Variants in GAPVD1 observed in about 807,000 individuals in gnomAD.
GAPVD1 encodes the protein GTPase-activating protein and VPS9 domain-containing protein 1.
Under a neutral mutation model 155.5 loss-of-function variants are expected in GAPVD1, and 35 were observed. The observed-to-expected ratio is 0.23, with a 90% CI of 0.17 to 0.30. The LOEUF is 0.30. Ranked by LOEUF, GAPVD1 falls within the 10% of genes least tolerant of loss-of-function variation. The pLI is 1.00. For missense variants in GAPVD1, 1,429 were observed against 1,775.7 expected, an observed-to-expected ratio of 0.80 and a Z score of 3.51; for synonymous variants, 636 against 619.7, an observed-to-expected ratio of 1.03 and a Z score of -0.39.
chr9:125,342,275 C>A lies in GAPVD1; in HGVS notation c.3022C>A (p.Pro1008Thr), dbSNP rs754808230. 1 of 1,594,928 alleles carries A rather than the reference C, an allele frequency of 6.3e-7. No homozygotes were observed. Among genetic ancestry groups the A allele is most frequent in the South Asian group, 1.1e-5 (1 of 90,666 alleles). The change falls in exon 19 of 28, where the codon CCT becomes ACT. Residue 1008 changes from proline (P) to threonine (T), a missense_variant. Physicochemically the swap from Pro to Thr is conservative, Grantham distance 38 (BLOSUM62 -1). Coordinates refer to ENST00000297933, the MANE Select transcript of GAPVD1 (RefSeq NM_001282680.3). ...AGAAAAAGACAAAGATGATCTGGGG[C>A]CTGACAGATTCTCAACACTCACAGG... ...KQEKDKDDLG[P>T]DRFSTLTDDP...
chr9:125,269,887 T>A (rs912817705), intron 2 of GAPVD1, among the ~76,000 whole-genome samples: 3 of 151,588 alleles, frequency 2.0e-5, no homozygotes, highest in Non-Finnish European at 2.9e-5. Context: ...CCAGCTAATT[T>A]TTTTTATTTT....
At chr9:125,330,493 T>A (rs1845921037) in intron 13 of GAPVD1, among the ~76,000 whole-genome samples, 1 of 151,912 alleles carries the variant, frequency 6.6e-6, no homozygotes, top group African/African-American at 2.4e-5. Context: ...AATTTTTGTA[T>A]TTTTAGAGAA....
rs758130996 is a variant in GAPVD1 at position 125,312,597 on chromosome 9, G to C, written c.1587G>C (p.Met529Ile). The change falls in exon 9 of 28, where the codon ATG becomes ATC. Residue 529 changes from methionine to isoleucine, a missense_variant. By Grantham distance (10) the Met-to-Ile change is conservative. Coordinates refer to ENST00000297933, the MANE Select transcript of GAPVD1 (RefSeq NM_001282680.3). ...LGTGPQLTPG[M>I]MSENEVLNMQ... ...CAGGTCCCCAGCTTACTCCAGGGAT[G>C]ATGTCAGAAAATGAGGTATGAATCA... 6 of 1,585,440 alleles carry C rather than the reference G, an allele frequency of 3.8e-6. 1 individual carries two copies. In the South Asian group the frequency reaches 5.9e-5, roughly 16 times the overall value.
rs774534747 is a variant in GAPVD1 at position 125,307,831 on chromosome 9, G to C, written c.1392G>C (p.Gln464His). 4.3e-6 allele frequency: 7 copies of C among 1,613,444 alleles called. No homozygotes were observed. The highest frequency in any genetic ancestry group is 5.9e-6 in the Non-Finnish European group (7 of 1,179,434). Residue 464 changes from glutamine to histidine, a missense_variant, in exon 8 of 28, where the codon CAG becomes CAC. Around this residue, in one of 4 missense-constraint regions of GAPVD1, gnomAD observed 628 missense variants for 733.4 expected, o/e 0.86. Coordinates refer to ENST00000297933, the MANE Select transcript of GAPVD1 (RefSeq NM_001282680.3). ...AAATGACTCCCTACAATACACCTCAGCTATCTCCAGCAACCACTCCAGCAA... is the reference window on the plus strand; with the variant it reads ...AAATGACTCCCTACAATACACCTCACCTATCTCCAGCAACCACTCCAGCAA... ...SLEMTPYNTP[Q>H]LSPATTPANK...
At chr9:125,309,523 C>T (rs1447078329) in intron 8 of GAPVD1, among the ~76,000 whole-genome samples, 1 of 152,018 alleles carries the variant, frequency 6.6e-6, no homozygotes. Flanking sequence ...TTGGTAGAGA[C>T]AGGGTTTTGC....
At position 125,295,451 on chromosome 9, in the gene GAPVD1, G is replaced by C. The variant is rs539080958; in HGVS notation, c.-149-7G>C. 2 of 61,878 alleles carry C rather than the reference G, an allele frequency of 3.2e-5. No homozygotes were observed. The highest frequency in any genetic ancestry group is 4.3e-4 in the East Asian group (1 of 2,318). The allele number at this position is 61,878 out of a possible 1,614,324, so 3.8% of individuals were successfully genotyped here. On this transcript the variant is annotated splice_region_variant and splice_polypyrimidine_tract_variant and intron_variant, in intron 2 of 27. Transcript: ENST00000297933. Reference sequence around the variant, plus strand: ...AATCTTTTTTTTTTTTTTTTTTTTTGGGACAGGGTCTGGCTCTGTCACCCA... The same window carrying C: ...AATCTTTTTTTTTTTTTTTTTTTTTCGGACAGGGTCTGGCTCTGTCACCCA...
Position 125,347,439 on chromosome 9 carries a change from A to T in GAPVD1, c.3169+498A>T, listed in dbSNP as rs531092124. 4.6e-5 allele frequency among the ~76,000 whole-genome samples: 7 copies of T among 152,266 alleles called. No homozygotes were observed. The South Asian group carries it at 1.5e-3, about 32-fold the overall frequency. The stretch of plus-strand genomic sequence containing the variant: ...AGAGAAAAAGTGTATAAAAGTATAA[A>T]TAGGGGCTGAGCACGGTGGCTCACA... On this transcript the variant is annotated intron_variant, in intron 20 of 27. Transcript: ENST00000297933.
At chr9:125,358,663 G>A (rs1449165732) in intron 25 of GAPVD1, among the ~76,000 whole-genome samples, 1 of 152,184 alleles carries the variant, frequency 6.6e-6, no homozygotes. Context: ...TTCCTCATTT[G>A]TTTATGGTCT....
intron 2 of GAPVD1, among the ~76,000 whole-genome samples, chr9:125,271,563 T>G (rs1030677481): frequency 3.3e-5 from 5 of 152,192 alleles, no homozygotes; most frequent in Non-Finnish European, 7.3e-5. Flanking sequence ...TTATTTTTTA[T>G]TTTTTGAGAC....
chr9:125,286,383 A>G (rs190406859), intron 2 of GAPVD1, among the ~76,000 whole-genome samples: 6 of 152,128 alleles, frequency 3.9e-5, no homozygotes, highest in African/African-American at 1.4e-4. Flanking sequence ...GGCTTAAGCA[A>G]TCTGCCTGCC....
At position 125,357,905 on chromosome 9, in the gene GAPVD1, G is replaced by T. The variant is rs573699214; in HGVS notation, c.3972-1515G>T. On this transcript the variant is annotated intron_variant, in intron 25 of 27. Transcript: ENST00000297933. ...CAGGAGGATTGCTTGAACCCAGGAGGCAGAGGTTGCAGAGAGCCAAGATCA... is the reference window on the plus strand; with the variant it reads ...CAGGAGGATTGCTTGAACCCAGGAGTCAGAGGTTGCAGAGAGCCAAGATCA... Among the ~76,000 whole-genome samples the T allele has an allele frequency of 4.6e-5, 7 of 151,780 alleles. No homozygotes were observed. The South Asian group carries it at 1.5e-3, about 32-fold the overall frequency.
chr9:125,302,911 T>G, intron 5 of GAPVD1, 85 bp downstream of exon 5: 1 of 1,471,968 alleles, frequency 6.8e-7, no homozygotes, highest in Non-Finnish European at 9.1e-7. Context: ...AATAATACGA[T>G]GACAGTATTT....
chr9:125,350,222 T>G, intron 21 of GAPVD1, 73 bp from the exon 22 acceptor site: 1 of 869,418 alleles, frequency 1.2e-6, no homozygotes, highest in South Asian at 1.5e-5. Flanking sequence ...AACATTAATT[T>G]ATATAGTAAA....
intron 2 of GAPVD1, among the ~76,000 whole-genome samples, chr9:125,285,609 G>A (rs1163748711): frequency 3.3e-5 from 5 of 151,486 alleles, no homozygotes; most frequent in Non-Finnish European, 7.4e-5. Context: ...ACAGGCATCC[G>A]CCACCACACC....
At chr9:125,265,422 T>G (rs1227330134) in intron 1 of GAPVD1, among the ~76,000 whole-genome samples, 1 of 151,812 alleles carries the variant, frequency 6.6e-6, no homozygotes, top group Non-Finnish European at 1.5e-5. Context: ...TTTTCTGTTC[T>G]TCTTTCTGAG....
At chr9:125,271,102 CTT>C (rs890974999) in intron 2 of GAPVD1, among the ~76,000 whole-genome samples, 2 of 151,770 alleles carry the variant, frequency 1.3e-5, no homozygotes, top group African/African-American at 2.4e-5. Flanking sequence ...TTCTAATACT[CTT>C]TGTGTGTGTG....
chr9:125,321,613 T>A, intron 10 of GAPVD1, 51 bp downstream of exon 10: 1 of 1,543,444 alleles, frequency 6.5e-7, no homozygotes, highest in African/African-American at 1.4e-5. Flanking sequence ...AATAGTTTGT[T>A]TTGTGTTTTT....
At chr9:125,344,128 AT>A (rs1316819708) in intron 19 of GAPVD1, among the ~76,000 whole-genome samples, 56 of 152,326 alleles carry the variant, frequency 3.7e-4, no homozygotes, top group Admixed American at 3.5e-3. Flanking sequence ...CCCAGTCCTT[AT>A]TAATGACTCA....
At chr9:125,267,655 C>T (rs531457571) in intron 1 of GAPVD1, among the ~76,000 whole-genome samples, 31 of 152,034 alleles carry the variant, frequency 2.0e-4, no homozygotes, top group Non-Finnish European at 3.7e-4. Flanking sequence ...GTGAACTGCC[C>T]GCTTCGGCCT....
Sources: allele counts gnomAD v4.1 joint callset (sites outside exome capture counted in the v4.1 genomes callset), GRCh38; gene constraint gnomAD v4.1.1; regional missense constraint gnomAD v4.1.1; transcripts MANE v1.5; gene names NCBI Gene and HGNC (gene_info 2026-07-23, HGNC 2026-07-21).